The following POC1A variants were observed in gnomAD, a reference collection of about 807,000 sequenced individuals.
POC1A encodes POC1 centriolar protein A.
A neutral mutation model predicts 47.8 loss-of-function variants in POC1A; 34 were observed. That is an observed-to-expected ratio of 0.71 (90% CI 0.54 to 0.95). POC1A has a LOEUF of 0.95. Among genes scored for constraint, POC1A ranks in the 40% least tolerant of loss-of-function variants. The pLI is 0.00. For synonymous variants in POC1A, 177 were observed against 207.6 expected (o/e 0.85, Z 1.27); for missense variants, 466 against 528.3 (o/e 0.88, Z 1.16).
At chr3:52,124,989 TCGCTGAAAGC>T in intron 8 of POC1A, 114 bp downstream of exon 8, 1 of 729,452 alleles carries the variant, frequency 1.4e-6, no homozygotes. Context: ...GCCTTTTTAG[TCGCTGAAAGC>T]CACCAAGGAA....
chr3:52,117,187 CAAA>C (rs751503158), intron 9 of POC1A, among the ~76,000 whole-genome samples: 1 of 129,244 alleles, frequency 7.7e-6, no homozygotes, highest in Non-Finnish European at 1.7e-5. Flanking sequence ...GACTCTGTCT[CAAA>C]AAAAAAAAAA....
chr3:52,130,645 G>GTCCTCCAAA (rs1704178034), intron 7 of POC1A, among the ~76,000 whole-genome samples: 1 of 152,196 alleles, frequency 6.6e-6, no homozygotes, highest in Non-Finnish European at 1.5e-5. Context: ...ACCCAAGCCA[G>GTCCTCCAAA]GTGTGACCCT....
chr3:52,123,150 G>A (rs1482883803), intron 8 of POC1A, among the ~76,000 whole-genome samples: 1 of 152,196 alleles, frequency 6.6e-6, no homozygotes, highest in Non-Finnish European at 1.5e-5. Flanking sequence ...GGTGGACACG[G>A]GCACACAGGA....
At chr3:52,147,978 AG>A (rs1235632797) in intron 4 of POC1A, among the ~76,000 whole-genome samples, 1 of 152,138 alleles carries the variant, frequency 6.6e-6, no homozygotes, top group African/African-American at 2.4e-5. Context: ...AAAAAAAAAA[AG>A]GTGCCTGCCT....
chr3:52,148,573 C>T (rs1225313638), intron 4 of POC1A, among the ~76,000 whole-genome samples: 1 of 152,256 alleles, frequency 6.6e-6, no homozygotes, highest in Non-Finnish European at 1.5e-5. Context: ...GGTTACCTGG[C>T]CCGCTGTCTG....
chr3:52,092,122 G>A (rs774757401), intron 10 of POC1A, among the ~76,000 whole-genome samples: 46 of 152,312 alleles, frequency 3.0e-4, no homozygotes, highest in Middle Eastern at 3.4e-3. Flanking sequence ...GAAGCTTAGC[G>A]AAGAAACCAG....
intron 7 of POC1A, among the ~76,000 whole-genome samples, chr3:52,130,874 C>A (rs1210616254): frequency 6.6e-6 from 1 of 152,166 alleles, no homozygotes; most frequent in Non-Finnish European, 1.5e-5. Flanking sequence ...CCCAGCATGG[C>A]GCAAGCACCC....
intron 7 of POC1A, among the ~76,000 whole-genome samples, chr3:52,137,839 T>C (rs901324464): frequency 6.6e-5 from 10 of 152,152 alleles, no homozygotes; most frequent in Non-Finnish European, 1.0e-4. Flanking sequence ...TGATGTCAAC[T>C]CAGAGCATGG....
intron 9 of POC1A, among the ~76,000 whole-genome samples, chr3:52,107,267 G>A (rs577443748): frequency 1.7e-4 from 26 of 152,338 alleles, no homozygotes; most frequent in Non-Finnish European, 2.6e-4. Context: ...CAAGGGTGTG[G>A]GGCAGCAAGG....
chr3:52,101,160 C>T (rs527778014), intron 9 of POC1A, among the ~76,000 whole-genome samples: 1 of 151,098 alleles, frequency 6.6e-6, no homozygotes, highest in East Asian at 1.9e-4. Flanking sequence ...GGAGGAGGGC[C>T]AAGAACATGG....
At chr3:52,135,992 A>C (rs985404476) in intron 7 of POC1A, among the ~76,000 whole-genome samples, 3 of 151,846 alleles carry the variant, frequency 2.0e-5, no homozygotes, top group Admixed American at 6.6e-5. Flanking sequence ...ATGGGAGAGA[A>C]TCAGCCTCTA....
intron 9 of POC1A, among the ~76,000 whole-genome samples, chr3:52,120,653 T>C (rs1309747370): frequency 6.6e-6 from 1 of 152,178 alleles, no homozygotes; most frequent in Non-Finnish European, 1.5e-5. Flanking sequence ...TTTCCCCTAT[T>C]TGAGGCCCAC....
rs773873162 is a variant in POC1A, at chr3:52,125,117, T to C, written c.878A>G (p.Glu293Gly). 2 of 1,610,080 alleles carry C rather than the reference T, an allele frequency of 1.2e-6. No individual in the cohort carries two copies. The highest frequency in any genetic ancestry group is 1.7e-6 in the Non-Finnish European group (2 of 1,176,312). The change falls in exon 8 of 11, where the codon GAA becomes GGA. Residue 293 changes from glutamate (E) to glycine (G), a missense_variant. Physicochemically the swap from Glu to Gly is moderately conservative, Grantham distance 98. Transcript: ENST00000296484. ...ATTCGACTACTCTTTACTTACTTGT[T>C]CATCAGAGCCTCCAGAAGCAAAATA... Reference protein sequence around the residue: ...GEYFASGGSDEQVMVWKSNFD... With the variant: ...GEYFASGGSDGQVMVWKSNFD...
At chr3:52,113,381 T>C (rs1047891838) in intron 9 of POC1A, among the ~76,000 whole-genome samples, 1 of 152,210 alleles carries the variant, frequency 6.6e-6, no homozygotes, top group Non-Finnish European at 1.5e-5. Context: ...AAAGGTGCTC[T>C]GTTTCAAGCA....
intron 7 of POC1A, among the ~76,000 whole-genome samples, chr3:52,130,296 T>C (rs1177784471): frequency 6.6e-6 from 1 of 152,012 alleles, no homozygotes; most frequent in Non-Finnish European, 1.5e-5. Context: ...CTGGGGTGAG[T>C]GCTGTGGTCT....
chr3:52,081,908 C>T (rs1188134926), intron 10 of POC1A, among the ~76,000 whole-genome samples: 2 of 152,122 alleles, frequency 1.3e-5, no homozygotes, highest in East Asian at 1.9e-4. Context: ...CCACAAAGAA[C>T]GAAGCACCAG....
intron 9 of POC1A, among the ~76,000 whole-genome samples, chr3:52,105,200 A>G (rs1703135479): frequency 6.6e-6 from 1 of 152,204 alleles, no homozygotes; most frequent in Non-Finnish European, 1.5e-5. Flanking sequence ...ATGTCTGACC[A>G]CTGCTCACTG....
intron 6 of POC1A, among the ~76,000 whole-genome samples, chr3:52,138,837 C>T (rs955841540): frequency 5.3e-5 from 8 of 152,230 alleles, no homozygotes; most frequent in African/African-American, 1.9e-4. Flanking sequence ...GGGCTCACCC[C>T]ATGACGTTTT....
chr3:52,094,587 T>C lies in POC1A; in HGVS notation c.1125+1982A>G, dbSNP rs553668848. The stretch of plus-strand genomic sequence containing the variant: ...TGCCAGGATTAGCACAAAGGTGCTA[T>C]GCACAGTTCTGAAAATGGGTTGAAC... On this transcript the variant is annotated intron_variant, in intron 10 of 10. Transcript: ENST00000296484. Among the ~76,000 whole-genome samples the C allele has an allele frequency of 1.6e-4, 24 of 152,396 alleles. No individual in the cohort carries two copies. In the South Asian group the frequency reaches 4.6e-3, roughly 29 times the overall value.
Sources: gnomAD v4.1 joint callset for allele counts (sites outside exome capture counted in the v4.1 genomes callset) on GRCh38, gnomAD v4.1.1 for gene constraint, MANE v1.5 for transcripts, NCBI Gene and HGNC (gene_info 2026-07-23, HGNC 2026-07-21) for gene names.